Variants in SNX17 observed in about 807,000 individuals in gnomAD.
The protein encoded by SNX17 is sorting nexin 17, also known as sorting nexin-17.
In SNX17, 35 loss-of-function variants were observed where a neutral mutation model predicts 64.3. The observed-to-expected ratio is 0.54, with a 90% confidence interval of 0.42 to 0.72. The LOEUF (loss-of-function observed/expected upper bound fraction) is 0.72, where lower values mean the gene tolerates loss of function less well. SNX17 is among the 30% of genes least tolerant of loss of function. The probability of loss-of-function intolerance (pLI) is 0.00; values close to 1 mark genes in which losing one functional copy is unlikely to be tolerated. For missense variants in SNX17, 538 were observed against 610.0 expected (o/e 0.88, Z 1.24); for synonymous variants, 259 against 230.2 (o/e 1.13, Z -1.13).
At chr2:27,371,547 C>T (rs1167164986) in intron 2 of SNX17, 1 of 1,128,854 alleles carries the variant, frequency 8.9e-7, no homozygotes, top group African/African-American at 1.6e-5. Context: ...ACTGCTCCTT[C>T]CTGTTCTTAT....
chr2:27,371,247 T>C (rs1449129556), intron 1 of SNX17, 22 bp from the exon 2 acceptor site: 37 of 1,611,756 alleles, frequency 2.3e-5, no homozygotes, highest in African/African-American at 4.0e-5. Context: ...CCTAAAATGC[T>C]TGACTACTTT....
rs1348710465 is a variant in SNX17, at chr2:27,376,503, T to C, written c.1282T>C (p.Ser428Pro). The C allele has an allele frequency of 6.2e-7, 1 of 1,613,864 alleles. No individual in the cohort carries two copies. The highest frequency in any genetic ancestry group is 8.5e-7 in the Non-Finnish European group (1 of 1,179,990). Reference protein sequence around the residue: ...LLESPDATRESMVKLSSKLSA... With the variant: ...LLESPDATREPMVKLSSKLSA... ...GGAGTCACCTGATGCCACCCGGGAGTCTATGGTCAAACTCTCAGTGAGTTC... is the reference window on the plus strand; with the variant it reads ...GGAGTCACCTGATGCCACCCGGGAGCCTATGGTCAAACTCTCAGTGAGTTC... The change falls in exon 14 of 15, where the codon TCT (serine) becomes CCT (proline). Residue 428 changes from serine to proline, a missense_variant. By Grantham distance (74) the Ser-to-Pro change is moderately conservative. Transcript: ENST00000233575.
At chr2:27,373,583 G>A (rs1351868787) in intron 4 of SNX17, 2 of 538,296 alleles carry the variant, frequency 3.7e-6, no homozygotes, top group South Asian at 2.1e-5. Context: ...GGCTGGTCTC[G>A]AACTCCTGAC....
In SNX17 at chr2:27,375,559, C is replaced by G. The variant is rs1056474106; in HGVS notation, c.828C>G (p.Ala276=). The G allele has an allele frequency of 1.9e-6, 3 of 1,614,088 alleles. No homozygotes were observed. The highest frequency in any genetic ancestry group is 2.7e-5 in the African/African-American group (2 of 74,938). Residue 276 remains alanine (A), a synonymous_variant, in exon 10 of 15, where the codon GCC becomes GCG. Transcript: ENST00000233575. This position sits in a 1 kb window ranked among gnomAD's most constrained non-coding sequence, Gnocchi z 4.1. ...LRHYGYLRFD[A]CVADFPEKDC... ...ACTATGGCTACTTGCGCTTTGATGC[C>G]TGTGTGGCTGACTTCCCAGAAAAGG...
intron 1 of SNX17, 84 bp downstream of exon 1, chr2:27,370,890 G>C (rs902671546): frequency 1.4e-6 from 2 of 1,440,004 alleles, no homozygotes; most frequent in Non-Finnish European, 9.3e-7. Context: ...TCTGAGGCCT[G>C]ACCGCCACCC....
rs1342193869 is a variant in SNX17 at position 27,370,752 on chromosome 2, T to C, written c.9T>C (p.Phe3=). The C allele has an allele frequency of 1.3e-6, 2 of 1,549,216 alleles. No individual in the cohort carries two copies. Among genetic ancestry groups the C allele is most frequent in the East Asian group, 4.9e-5 (2 of 40,968 alleles). The change falls in exon 1 of 15, where the codon TTT becomes TTC. Residue 3 remains phenylalanine (F), a synonymous_variant. Coordinates refer to ENST00000233575, the MANE Select transcript of SNX17 (RefSeq NM_014748.4). ...GCCGTGCCGTAGGGAACATGCACTTTTCCATTCCCGAAACCGAGTCCCGCA... is the reference window on the plus strand; with the variant it reads ...GCCGTGCCGTAGGGAACATGCACTTCTCCATTCCCGAAACCGAGTCCCGCA... MH[F]SIPETESRSG...
Position 27,376,721 on chromosome 2 carries a change from C to A in SNX17, c.*2C>A. ...GGCATTGGAGATGAGGATCTGTAAT[C>A]TCCACTGCTTGGATGTCTGCCCTCT... is the stretch of plus-strand genomic sequence containing the variant. On this transcript the variant is annotated 3_prime_UTR_variant, in exon 15 of 15. Coordinates refer to ENST00000233575, the MANE Select transcript of SNX17 (RefSeq NM_014748.4). 1 of 1,611,558 alleles carries A rather than the reference C, an allele frequency of 6.2e-7. No individual in the cohort carries two copies. The highest frequency in any genetic ancestry group is 1.7e-4 in the Middle Eastern group (1 of 6,058).
intron 3 of SNX17, 87 bp downstream of exon 3, chr2:27,372,827 T>A: frequency 1.3e-6 from 2 of 1,536,226 alleles, no homozygotes; most frequent in Non-Finnish European, 1.8e-6. Context: ...AGGGCCTGAT[T>A]TAATTTCTAG....
rs199872271 is a variant in SNX17 at position 27,375,548 on chromosome 2, C to T, written c.817C>T (p.Arg273Cys). ...AQTLRHYGYLRFDACVADFPE... is the reference protein window; with the variant it reads ...AQTLRHYGYLCFDACVADFPE... ...GACGCTGCGGCACTATGGCTACTTGCGCTTTGATGCCTGTGTGGCTGACTT... is the reference window on the plus strand; with the variant it reads ...GACGCTGCGGCACTATGGCTACTTGTGCTTTGATGCCTGTGTGGCTGACTT... Residue 273 changes from arginine to cysteine, a missense_variant, in exon 10 of 15, where the codon CGC becomes TGC. Coordinates refer to ENST00000233575, the MANE Select transcript of SNX17 (RefSeq NM_014748.4). The surrounding 1 kb of genome is among the most constrained non-coding windows in gnomAD (Gnocchi z 4.1). 9.9e-6 allele frequency: 16 copies of T among 1,614,184 alleles called. No individual in the cohort carries two copies. Among genetic ancestry groups the T allele is most frequent in the Admixed American group, 3.3e-5 (2 of 60,028 alleles).
rs950769611 is a variant in SNX17 at position 27,375,772 on chromosome 2, A to G, written c.978+63A>G. On this transcript the variant is annotated intron_variant, in intron 10 of 14. Coordinates refer to ENST00000233575, the MANE Select transcript of SNX17 (RefSeq NM_014748.4). This position sits in a 1 kb window ranked among gnomAD's most constrained non-coding sequence, Gnocchi z 4.1. ...GGCCCGGCAAGCCTTGAGCTTAGGT[A>G]TGGGCTGCAGCGGGTCAGGGAGCCA... 1.2e-6 allele frequency: 2 copies of G among 1,610,784 alleles called. No homozygotes were observed. Among genetic ancestry groups the G allele is most frequent in the African/African-American group, 1.3e-5 (1 of 74,858 alleles).
chr2:27,377,472 G>A lies in SNX17; in HGVS notation c.*753G>A. ...TAGTGCCTACGTTAGTCTGTGTGGA[G>A]CCCCTGGCCAGCGGGGGAGAAAAAG... is the stretch of plus-strand genomic sequence containing the variant. On this transcript the variant is annotated 3_prime_UTR_variant, in exon 15 of 15. Coordinates refer to ENST00000233575, the MANE Select transcript of SNX17 (RefSeq NM_014748.4). The surrounding 1 kb of genome is among the most constrained non-coding windows in gnomAD (Gnocchi z 4.4). 6.6e-7 allele frequency: 1 copy of A among 1,512,286 alleles called. No homozygotes were observed. Among genetic ancestry groups the A allele is most frequent in the Non-Finnish European group, 9.1e-7 (1 of 1,094,020 alleles). 93.7% of individuals were successfully genotyped at this position (1,512,286 alleles called of 1,614,324 possible).
intron 2 of SNX17, among the ~76,000 whole-genome samples, chr2:27,371,833 T>TA (rs1682606727): frequency 6.6e-6 from 1 of 152,236 alleles, no homozygotes; most frequent in African/African-American, 2.4e-5. Flanking sequence ...TTAAACTCTA[T>TA]TTAACTCAGT....
At chr2:27,376,440 C>T in intron 13 of SNX17, 39 bp from the exon 14 acceptor site, 1 of 1,613,878 alleles carries the variant, frequency 6.2e-7, no homozygotes, top group Non-Finnish European at 8.5e-7. Context: ...CCTCACCTCT[C>T]CTAGTGAGTT....
rs2148397409 is a variant in SNX17 at position 27,373,281 on chromosome 2, T to C, written c.291T>C (p.Thr97=). The change falls in exon 4 of 15, where the codon ACT becomes ACC. Residue 97 remains threonine, a synonymous_variant. Coordinates refer to ENST00000233575, the MANE Select transcript of SNX17 (RefSeq NM_014748.4). ...RQDPLLGSSE[T]FNSFLRRAQQ... ...ACCCATTGCTTGGGAGCAGCGAGAC[T>C]TTCAACAGTTTCCTGCGTCGGGCAC... The C allele has an allele frequency of 6.2e-7, 1 of 1,614,218 alleles. No homozygotes were observed. Among genetic ancestry groups the C allele is most frequent in the Admixed American group, 1.7e-5 (1 of 60,028 alleles).
In SNX17 at chr2:27,373,308, A is replaced by C; in HGVS notation, c.318A>C (p.Gln106His). The change falls in exon 4 of 15, where the codon CAA (glutamine) becomes CAC (histidine). Residue 106 changes from glutamine to histidine, a missense_variant. Gln to His is a conservative substitution (Grantham distance 24). This residue lies in a region of SNX17 where 505 missense variants were observed against 550.4 expected (regional missense o/e 0.92). Coordinates refer to ENST00000233575, the MANE Select transcript of SNX17 (RefSeq NM_014748.4). ...ETFNSFLRRA[Q>H]QETQQVPTEE... Reference sequence around the variant, plus strand: ...TCAACAGTTTCCTGCGTCGGGCACAACAGGTAGGGCTTTGGGTGGGACCAA... The same window carrying C: ...TCAACAGTTTCCTGCGTCGGGCACACCAGGTAGGGCTTTGGGTGGGACCAA... 1 of 1,614,198 alleles carries C rather than the reference A, an allele frequency of 6.2e-7. No homozygotes were observed. Among genetic ancestry groups the C allele is most frequent in the Non-Finnish European group, 8.5e-7 (1 of 1,180,016 alleles).
In SNX17 at chr2:27,371,268, G is replaced by A; in HGVS notation, c.64-1G>A. 6.2e-7 allele frequency: 1 copy of A among 1,613,482 alleles called. No homozygotes were observed. The highest frequency in any genetic ancestry group is 8.5e-7 in the Non-Finnish European group (1 of 1,179,992). ...ATGCTTGACTACTTTTGTGTCCTCA[G>A]GCCTATAACATTCACGTGAATGGAG... On this transcript the variant is annotated splice_acceptor_variant, in intron 1 of 14. Transcript: ENST00000233575. LOFTEE classifies it high-confidence loss of function.
At chr2:27,374,884 C>T (rs576977087) in intron 8 of SNX17, 126 bp downstream of exon 8, 6 of 1,009,260 alleles carry the variant, frequency 5.9e-6, no homozygotes, top group South Asian at 2.7e-5. Context: ...ACTATCAGTG[C>T]TGCTGGCACA....
At chr2:27,371,410 C>G (rs541733271) in intron 2 of SNX17, 67 bp downstream of exon 2, 3 of 1,538,252 alleles carry the variant, frequency 2.0e-6, no homozygotes, top group East Asian at 2.3e-5. Flanking sequence ...TCAGTGTCTC[C>G]CTTTACCCGC....
chr2:27,370,725 G>T lies in SNX17; in HGVS notation c.-19G>T. ...GGCCCTCACAGTCCGGAGCCCGGCC[G>T]TGCCGTGCCGTAGGGAACATGCACT... On this transcript the variant is annotated 5_prime_UTR_variant, in exon 1 of 15. Transcript: ENST00000233575. The T allele has an allele frequency of 6.5e-7, 1 of 1,544,918 alleles. No homozygotes were observed. Among genetic ancestry groups the T allele is most frequent in the East Asian group, 2.5e-5 (1 of 40,702 alleles).
Sources: allele counts gnomAD v4.1 joint callset (sites outside exome capture counted in the v4.1 genomes callset), GRCh38; gene constraint gnomAD v4.1.1; regional missense constraint gnomAD v4.1.1; non-coding constraint Gnocchi (gnomAD v3.1); transcripts MANE v1.5; gene names NCBI Gene and HGNC (gene_info 2026-07-23, HGNC 2026-07-21).